TRIM24: variants seen among roughly 807,000 people sequenced by gnomAD.
The protein encoded by TRIM24 is transcription intermediary factor 1-alpha.
In TRIM24, 29 loss-of-function variants were observed where a neutral mutation model predicts 123.9. That is an observed-to-expected ratio of 0.23 (90% CI 0.17 to 0.32). TRIM24 has a LOEUF of 0.32. TRIM24 is among the 10% of genes least tolerant of loss of function. The probability of loss-of-function intolerance (pLI) is 1.00; values close to 1 mark genes in which losing one functional copy is unlikely to be tolerated. For missense variants in TRIM24, 932 were observed against 1,295.3 expected (o/e 0.72, Z 4.31); for synonymous variants, 456 against 461.1 (o/e 0.99, Z 0.14).
intron 7 of TRIM24, among the ~76,000 whole-genome samples, chr7:138,540,258 T>C (rs1796975693): frequency 6.6e-6 from 1 of 152,214 alleles, no homozygotes; most frequent in African/African-American, 2.4e-5. Flanking sequence ...AAGTTTGCAT[T>C]GATTGACTCT....
intron 7 of TRIM24, 96 bp from the exon 8 acceptor site, chr7:138,550,967 G>T (rs1797198215): frequency 6.5e-6 from 6 of 916,670 alleles, no homozygotes; most frequent in Non-Finnish European, 1.0e-5. Context: ...TGTTTATTGT[G>T]TATTGATGTA....
In TRIM24 at chr7:138,503,058, C is replaced by G. The variant is rs533859928; in HGVS notation, c.365-1232C>G. ...AGGGATCTAATTTCATTCCCCACCC[C>G]CAATAGTTGTTGCAGCAACATGAAA... On this transcript the variant is annotated intron_variant, in intron 1 of 18. Coordinates refer to ENST00000343526, the MANE Select transcript of TRIM24 (RefSeq NM_015905.3). Among the ~76,000 whole-genome samples the G allele has an allele frequency of 1.6e-4, 24 of 152,180 alleles. No individual in the cohort carries two copies. The South Asian group carries it at 4.4e-3, about 28-fold the overall frequency.
chr7:138,501,069 G>GA (rs1796028607), intron 1 of TRIM24, among the ~76,000 whole-genome samples: 1 of 152,086 alleles, frequency 6.6e-6, no homozygotes, highest in Non-Finnish European at 1.5e-5. Context: ...GAGTGCATAT[G>GA]AAGGGGGCCT....
In TRIM24 at chr7:138,519,230, T is replaced by C. The variant is rs1796458850; in HGVS notation, c.673T>C (p.Phe225Leu). The C allele has an allele frequency of 2.5e-6, 4 of 1,614,158 alleles. No homozygotes were observed. The highest frequency in any genetic ancestry group is 3.4e-6 in the Non-Finnish European group (4 of 1,180,018). Residue 225 changes from phenylalanine to leucine, a missense_variant, in exon 4 of 19, where the codon TTT (phenylalanine) becomes CTT (leucine). Phe to Leu is a conservative substitution (Grantham distance 22, BLOSUM62 0). Transcript: ENST00000343526. Reference protein sequence around the residue: ...VTSQRPVFCPFHKKEQLKLYC... With the variant: ...VTSQRPVFCPLHKKEQLKLYC... ...CAGCCAGCGACCAGTGTTTTGTCCTTTTCATAAAAAGGAGCAGCTGAAGCT... is the reference window on the plus strand; with the variant it reads ...CAGCCAGCGACCAGTGTTTTGTCCTCTTCATAAAAAGGAGCAGCTGAAGCT...
rs776322799 is a variant in TRIM24, at chr7:138,508,680, TGTGTGTGTGTGTGCGCGC to T, written c.483+4274_483+4291del. Among the ~76,000 whole-genome samples, 78 of 97,170 alleles carry T rather than the reference TGTGTGTGTGTGTGCGCGC, an allele frequency of 8.0e-4. 1 individual carries two copies. The East Asian group carries it at 0.011, about 14-fold the overall frequency. 63.7% of individuals were successfully genotyped at this position (97,170 alleles called of 152,430 possible). ...TAAGAGGAGTGTGTGTGTGTGTGTG[TGTGTGTGTGTGTGCGCGC>T]GCGTGTGTGCGTGTGTGTGTGCGTG... On this transcript the variant is annotated intron_variant, in intron 2 of 18. Transcript: ENST00000343526.
chr7:138,516,600 C>T (rs1796400925), intron 3 of TRIM24, among the ~76,000 whole-genome samples: 1 of 152,172 alleles, frequency 6.6e-6, no homozygotes, highest in African/African-American at 2.4e-5. Context: ...AGTAATCCGC[C>T]AGCCTTGGCC....
At chr7:138,536,460 T>C (rs905726650) in intron 6 of TRIM24, among the ~76,000 whole-genome samples, 14 of 152,246 alleles carry the variant, frequency 9.2e-5, no homozygotes, top group Admixed American at 7.2e-4. Flanking sequence ...TGCAGGTCTG[T>C]TGGAGTTTGG....
chr7:138,530,488 CAGGG>C, intron 6 of TRIM24, among the ~76,000 whole-genome samples: 1 of 151,980 alleles, frequency 6.6e-6, no homozygotes, highest in Non-Finnish European at 1.5e-5. Context: ...TTTTTTGAGA[CAGGG>C]TCTCACTCTG....
At chr7:138,466,987 A>T (rs1285177227) in intron 1 of TRIM24, among the ~76,000 whole-genome samples, 1 of 152,080 alleles carries the variant, frequency 6.6e-6, no homozygotes, top group Non-Finnish European at 1.5e-5. Flanking sequence ...GTTGAGGTTC[A>T]TTTTTTTAAA....
rs1584675256 is a variant in TRIM24, at chr7:138,460,294, A to T, written c.-255A>T. On this transcript the variant is annotated 5_prime_UTR_variant, in exon 1 of 19. Coordinates refer to ENST00000343526, the MANE Select transcript of TRIM24 (RefSeq NM_015905.3). ...AGCGCCTCGGCGGTTGGCGAAGCGG[A>T]CGGGGTGCAGCCTCCCCGGTGCGAG... 1.3e-5 allele frequency: 5 copies of T among 380,450 alleles called. No individual in the cohort carries two copies. Among genetic ancestry groups the T allele is most frequent in the African/African-American group, 8.4e-5 (4 of 47,820 alleles). The allele number at this position is 380,450 out of a possible 1,614,324, so 23.6% of individuals were successfully genotyped here.
intron 1 of TRIM24, among the ~76,000 whole-genome samples, chr7:138,488,577 C>G (rs1312116703): frequency 6.6e-6 from 1 of 152,124 alleles, no homozygotes; most frequent in Non-Finnish European, 1.5e-5. Flanking sequence ...CAAAGAACAT[C>G]TTTATTTCTG....
rs1378428811 is a variant in TRIM24, at chr7:138,460,806, G to A, written c.258G>A (p.Gln86=). ...SFCQRCLPAP[Q]RYLMLPAPML... is the part of the protein sequence containing the mutation. ...GCCAGCGCTGCCTGCCCGCGCCCCA[G>A]CGCTACCTCATGCTGCCCGCGCCCA... Residue 86 remains glutamine, a synonymous_variant, in exon 1 of 19, where the codon CAG becomes CAA. Coordinates refer to ENST00000343526, the MANE Select transcript of TRIM24 (RefSeq NM_015905.3). 5.7e-6 allele frequency: 9 copies of A among 1,581,240 alleles called. No homozygotes were observed. In the African/African-American group the frequency reaches 1.1e-4, roughly 20 times the overall value.
In TRIM24 at chr7:138,460,664, C is replaced by G. The variant is rs758217126; in HGVS notation, c.116C>G (p.Pro39Arg). The G allele has an allele frequency of 2.0e-6, 3 of 1,504,310 alleles. No individual in the cohort carries two copies. Among genetic ancestry groups the G allele is most frequent in the South Asian group, 2.5e-5 (2 of 79,434 alleles). 93.2% of individuals were successfully genotyped at this position (1,504,310 alleles called of 1,614,324 possible). The change falls in exon 1 of 19, where the codon CCG (proline) becomes CGG (arginine). Residue 39 changes from proline (P) to arginine (R), a missense_variant. Physicochemically the swap from Pro to Arg is moderately radical, Grantham distance 103 (BLOSUM62 -2). Around this residue, in one of 7 missense-constraint regions of TRIM24, gnomAD observed 164 missense variants for 181.9 expected, o/e 0.90. Transcript: ENST00000343526. ...GENEAESRQG[P>R]DSERGGEAAR... is the part of the protein sequence containing the mutation. ...AACGAGGCCGAGAGTCGGCAGGGCC[C>G]GGACTCGGAGCGCGGCGGCGAGGCG...
At chr7:138,568,526 A>G (rs1797586843) in intron 10 of TRIM24, among the ~76,000 whole-genome samples, 1 of 151,266 alleles carries the variant, frequency 6.6e-6, no homozygotes, top group African/African-American at 2.4e-5. Context: ...AGCTGGGATT[A>G]CAGGCGCCCA....
chr7:138,566,214 G>C (rs1396620598), intron 9 of TRIM24, among the ~76,000 whole-genome samples: 1 of 152,040 alleles, frequency 6.6e-6, no homozygotes, highest in East Asian at 1.9e-4. Flanking sequence ...TGGAGACTTT[G>C]CTTTGAAAAT....
chr7:138,482,280 C>A (rs1461828071), intron 1 of TRIM24, among the ~76,000 whole-genome samples: 1 of 152,108 alleles, frequency 6.6e-6, no homozygotes, highest in African/African-American at 2.4e-5. Flanking sequence ...AAAGCAAGTC[C>A]TTATGTAACC....
At chr7:138,578,958 A>C (rs904209035) in intron 14 of TRIM24, among the ~76,000 whole-genome samples, 2 of 151,252 alleles carry the variant, frequency 1.3e-5, no homozygotes, top group African/African-American at 2.4e-5. Flanking sequence ...GTTGACTTCC[A>C]CTCTACCCAA....
intron 1 of TRIM24, among the ~76,000 whole-genome samples, chr7:138,478,417 G>A (rs1795451284): frequency 6.6e-6 from 1 of 152,146 alleles, no homozygotes; most frequent in African/African-American, 2.4e-5. Context: ...TGAGGCAGGA[G>A]GATCGCTTGA....
chr7:138,486,292 T>C (rs914198393), intron 1 of TRIM24, among the ~76,000 whole-genome samples: 7 of 152,232 alleles, frequency 4.6e-5, no homozygotes, highest in African/African-American at 7.2e-5. Context: ...AGGTTGCCTG[T>C]TCACTCTAAT....
Sources: gnomAD v4.1 joint callset for allele counts (sites outside exome capture counted in the v4.1 genomes callset) on GRCh38, gnomAD v4.1.1 for gene constraint, gnomAD v4.1.1 regional missense constraint, MANE v1.5 for transcripts, NCBI Gene and HGNC (gene_info 2026-07-23, HGNC 2026-07-21) for gene names.